Variants in TRIP4 observed in about 807,000 individuals in gnomAD.
TRIP4 encodes thyroid hormone receptor interactor 4.
A neutral mutation model predicts 81.8 loss-of-function variants in TRIP4; 54 were observed. The ratio of observed to expected loss-of-function variants is 0.66; its 90% CI spans 0.53 to 0.83. The LOEUF (loss-of-function observed/expected upper bound fraction) is 0.83. Ranked by LOEUF, TRIP4 falls within the 40% of genes least tolerant of loss-of-function variation. The pLI, the probability that TRIP4 is intolerant of heterozygous loss-of-function variation, is 0.00. For missense variants in TRIP4, 662 were observed against 683.6 expected (o/e 0.97, Z 0.35); for synonymous variants, 270 against 242.8 (o/e 1.11, Z -1.04).
intron 11 of TRIP4, among the ~76,000 whole-genome samples, chr15:64,437,809 G>A (rs1199256083): frequency 6.6e-6 from 1 of 152,106 alleles, no homozygotes; most frequent in Non-Finnish European, 1.5e-5. Flanking sequence ...CATGTTTTAC[G>A]ATTGTCCTGG....
At chr15:64,452,306 A>T (rs1488206956) in intron 12 of TRIP4, among the ~76,000 whole-genome samples, 1 of 152,206 alleles carries the variant, frequency 6.6e-6, no homozygotes, top group Non-Finnish European at 1.5e-5. Context: ...CTGAAATGCA[A>T]AATCTAAACC....
chr15:64,437,012 G>A (rs560297750), intron 11 of TRIP4, among the ~76,000 whole-genome samples: 2 of 151,524 alleles, frequency 1.3e-5, no homozygotes, highest in Admixed American at 6.6e-5. Flanking sequence ...TGGCCTAGGT[G>A]ACCGTCTATG....
chr15:64,423,956 G>A, intron 9 of TRIP4, 75 bp from the exon 10 acceptor site: 1 of 1,565,340 alleles, frequency 6.4e-7, no homozygotes, highest in Non-Finnish European at 8.7e-7. Context: ...TTTGCTATAG[G>A]ATTTGTTATA....
intron 4 of TRIP4, among the ~76,000 whole-genome samples, chr15:64,398,424 CAAAAAAAAAAAA>C (rs745672952): frequency 2.1e-3 from 34 of 16,326 alleles, no homozygotes; most frequent in African/African-American, 4.8e-3. Context: ...CCTGTCTCTA[CAAAAAAAAAAAA>C]AAAAAAAAAA....
At chr15:64,397,573 A>G (rs924149289) in intron 3 of TRIP4, 33 bp from the exon 4 acceptor site, 2 of 1,595,506 alleles carry the variant, frequency 1.3e-6, no homozygotes, top group African/African-American at 2.7e-5. Flanking sequence ...GTCATTAATT[A>G]TTTGATGTTA....
intron 11 of TRIP4, among the ~76,000 whole-genome samples, chr15:64,428,619 T>C (rs1242270247): frequency 6.6e-6 from 1 of 152,028 alleles, no homozygotes; most frequent in East Asian, 1.9e-4. Context: ...TTCTTTTTTC[T>C]TTTTTTTGAG....
At chr15:64,413,223 G>T (rs1450410809) in intron 7 of TRIP4, among the ~76,000 whole-genome samples, 2 of 151,932 alleles carry the variant, frequency 1.3e-5, no homozygotes, top group African/African-American at 4.8e-5. Flanking sequence ...TTTGTGACAG[G>T]GCCTTATTGA....
intron 2 of TRIP4, among the ~76,000 whole-genome samples, chr15:64,394,634 C>CA (rs1900237684): frequency 6.8e-6 from 1 of 147,214 alleles, no homozygotes. Context: ...GAAAATATCA[C>CA]AAAAAAATGT....
At chr15:64,433,497 G>A (rs960589159) in intron 11 of TRIP4, among the ~76,000 whole-genome samples, 2 of 152,124 alleles carry the variant, frequency 1.3e-5, no homozygotes, top group African/African-American at 4.8e-5. Context: ...CCAGCCACTT[G>A]GGAGGCTGAG....
intron 12 of TRIP4, among the ~76,000 whole-genome samples, chr15:64,451,503 A>C (rs1596367465): frequency 4.2e-5 from 4 of 94,436 alleles, no homozygotes; most frequent in Admixed American, 1.5e-4. Context: ...AGTGGGTCTC[A>C]CTCTGTCACC....
intron 7 of TRIP4, among the ~76,000 whole-genome samples, chr15:64,410,641 T>C (rs930513089): frequency 6.6e-6 from 1 of 152,098 alleles, no homozygotes; most frequent in African/African-American, 2.4e-5. Flanking sequence ...CAGAAAGAAA[T>C]ACAGAATTAT....
chr15:64,451,983 A>G (rs1041448775), intron 12 of TRIP4, among the ~76,000 whole-genome samples: 1 of 147,196 alleles, frequency 6.8e-6, no homozygotes, highest in Admixed American at 6.8e-5. Flanking sequence ...TTTTTTAGAC[A>G]GGTCTCACTC....
intron 1 of TRIP4, among the ~76,000 whole-genome samples, chr15:64,388,607 A>G (rs920790301): frequency 1.3e-5 from 2 of 152,096 alleles, no homozygotes; most frequent in African/African-American, 4.8e-5. Context: ...CCGCACCCAG[A>G]TATACTCTGA....
At chr15:64,430,047 T>A (rs901448212) in intron 11 of TRIP4, among the ~76,000 whole-genome samples, 8 of 152,192 alleles carry the variant, frequency 5.3e-5, no homozygotes, top group Non-Finnish European at 1.0e-4. Context: ...GATCATTTAG[T>A]CCTCTTAAAA....
At chr15:64,452,875 C>A (rs1892802103) in intron 12 of TRIP4, among the ~76,000 whole-genome samples, 1 of 152,052 alleles carries the variant, frequency 6.6e-6, no homozygotes, top group Non-Finnish European at 1.5e-5. Context: ...GCTAGGAAGT[C>A]TTAGGATTAA....
intron 10 of TRIP4, among the ~76,000 whole-genome samples, chr15:64,425,236 A>G (rs1290555445): frequency 6.6e-6 from 1 of 152,010 alleles, no homozygotes; most frequent in African/African-American, 2.4e-5. Flanking sequence ...ATCTGATCCA[A>G]TGGCGTATAG....
At chr15:64,420,072 C>T (rs1891976519) in intron 9 of TRIP4, among the ~76,000 whole-genome samples, 1 of 151,936 alleles carries the variant, frequency 6.6e-6, no homozygotes, top group Admixed American at 6.6e-5. Flanking sequence ...CCTTGGCCTC[C>T]CAAACTGCTG....
At chr15:64,453,452 C>T (rs1892817400) in intron 12 of TRIP4, among the ~76,000 whole-genome samples, 1 of 152,198 alleles carries the variant, frequency 6.6e-6, no homozygotes, top group Admixed American at 6.5e-5. Flanking sequence ...TACCATTTGG[C>T]AGTCACTATG....
intron 12 of TRIP4, among the ~76,000 whole-genome samples, chr15:64,445,541 C>T (rs970092906): frequency 2.6e-5 from 4 of 151,074 alleles, no homozygotes; most frequent in South Asian, 2.1e-4. Context: ...GTGCCTGTAG[C>T]GCCTGTAGTC....
Sources: allele counts gnomAD v4.1 joint callset (sites outside exome capture counted in the v4.1 genomes callset), GRCh38; gene constraint gnomAD v4.1.1; transcripts MANE v1.5; gene names NCBI Gene and HGNC (gene_info 2026-07-23, HGNC 2026-07-21).